Variants in DIAPH2 observed in about 807,000 individuals in gnomAD.
The protein encoded by DIAPH2 is diaphanous related formin 2.
In DIAPH2, 35 loss-of-function variants were observed where a neutral mutation model predicts 92.7. The ratio of observed to expected loss-of-function variants is 0.38; its 90% CI spans 0.29 to 0.50. DIAPH2 has a LOEUF of 0.50. Among genes scored for constraint, DIAPH2 ranks in the 20% least tolerant of loss-of-function variants. DIAPH2 has a pLI of 0.94. For missense variants in DIAPH2, 701 were observed against 819.5 expected, an observed-to-expected ratio of 0.86 and a Z score of 1.77; for synonymous variants, 301 against 280.4, an observed-to-expected ratio of 1.07 and a Z score of -0.73.
intron 17 of DIAPH2, among the ~76,000 whole-genome samples, chrX:96,970,000 TTC>T (rs2065917751): frequency 8.9e-6 from 1 of 112,474 alleles, no homozygotes; most frequent in South Asian, 3.7e-4. Flanking sequence ...TTGTTTTTAA[TTC>T]TGTTTATGTG....
chrX:97,018,991 T>C (rs938853366), intron 17 of DIAPH2, among the ~76,000 whole-genome samples: 3 of 111,753 alleles, frequency 2.7e-5, no homozygotes, highest in Non-Finnish European at 5.6e-5. Flanking sequence ...TCCGGATTCT[T>C]TCACTGAGCT....
At chrX:97,372,254 G>A (rs1204527868) in intron 24 of DIAPH2, among the ~76,000 whole-genome samples, 5 of 111,870 alleles carry the variant, frequency 4.5e-5, no homozygotes, top group Non-Finnish European at 9.4e-5. Context: ...GTGCATGACC[G>A]CTTTGTAACC....
chrX:97,010,570 G>A (rs1297511051), intron 17 of DIAPH2, among the ~76,000 whole-genome samples: 2 of 111,746 alleles, frequency 1.8e-5, no homozygotes, highest in African/African-American at 3.3e-5. Context: ...CTTGCCTCCT[G>A]TAATTCCTGT....
Position 97,602,493 on chromosome X carries a change from A to G in DIAPH2, c.*3176A>G, listed in dbSNP as rs1460840953. 2 of 112,585 alleles carry G rather than the reference A, an allele frequency of 1.8e-5. No homozygotes were observed. The highest frequency in any genetic ancestry group is 9.4e-5 in the Admixed American group (1 of 10,659). 9.3% of individuals were successfully genotyped at this position (112,585 alleles called of 1,213,427 possible). Reference sequence around the variant, plus strand: ...AACAGTTACAGACATTTCTGTCTCAAAAAGGAGAGAATGGAAATTGGAATG... The same window carrying G: ...AACAGTTACAGACATTTCTGTCTCAGAAAGGAGAGAATGGAAATTGGAATG... On this transcript the variant is annotated 3_prime_UTR_variant, in exon 27 of 27. Transcript: ENST00000324765.
chrX:96,792,725 C>G (rs1293305646), intron 4 of DIAPH2, among the ~76,000 whole-genome samples: 1 of 111,381 alleles, frequency 9.0e-6, no homozygotes, highest in East Asian at 2.8e-4. Context: ...AATTTGAATC[C>G]TGTGATAAAT....
intron 26 of DIAPH2, among the ~76,000 whole-genome samples, chrX:97,459,279 T>C (rs2070437444): frequency 8.9e-6 from 1 of 112,223 alleles, no homozygotes; most frequent in Non-Finnish European, 1.9e-5. Context: ...CTTAGTGCTA[T>C]AGTTATAGCA....
intron 26 of DIAPH2, among the ~76,000 whole-genome samples, chrX:97,484,838 G>A (rs748451946): frequency 9.0e-6 from 1 of 111,589 alleles, no homozygotes; most frequent in South Asian, 3.8e-4. Flanking sequence ...CGGAGGTTGC[G>A]GTGAGCGATA....
intron 17 of DIAPH2, among the ~76,000 whole-genome samples, chrX:97,007,487 C>G (rs2066190927): frequency 9.0e-6 from 1 of 110,663 alleles, no homozygotes; most frequent in Non-Finnish European, 1.9e-5. Flanking sequence ...TGTCATGCCA[C>G]TCTCTCCTGC....
chrX:97,444,295 AT>A (rs35155405), intron 26 of DIAPH2, among the ~76,000 whole-genome samples: 2 of 103,322 alleles, frequency 1.9e-5, no homozygotes, highest in African/African-American at 7.0e-5. Flanking sequence ...ATGAACAGGA[AT>A]TTTTTTTTTT....
At chrX:97,398,741 A>ATT (rs1402119361) in intron 25 of DIAPH2, among the ~76,000 whole-genome samples, 42 of 95,935 alleles carry the variant, frequency 4.4e-4, no homozygotes, top group African/African-American at 1.5e-3. Context: ...GAAGGATGTG[A>ATT]TTTTTTTTTT....
intron 23 of DIAPH2, among the ~76,000 whole-genome samples, chrX:97,318,899 G>T (rs2147650287): frequency 9.0e-6 from 1 of 111,702 alleles, no homozygotes; most frequent in Non-Finnish European, 1.9e-5. Context: ...GCTTCTCAGT[G>T]ATATTATTAA....
chrX:97,426,052 T>G (rs1421481357), intron 25 of DIAPH2, among the ~76,000 whole-genome samples: 1 of 110,163 alleles, frequency 9.1e-6, no homozygotes, highest in African/African-American at 3.3e-5. Context: ...TCTTTTTCAT[T>G]ATTTCTACTT....
intron 5 of DIAPH2, among the ~76,000 whole-genome samples, chrX:96,907,173 A>G (rs2065438969): frequency 8.9e-6 from 1 of 112,102 alleles, no homozygotes; most frequent in South Asian, 3.7e-4. Flanking sequence ...AAGAAATAGT[A>G]TAAGCTACAT....
chrX:96,962,312 C>CAT (rs371657905), intron 16 of DIAPH2, among the ~76,000 whole-genome samples: 909 of 59,492 alleles, frequency 0.015, 61 homozygotes, highest in African/African-American at 0.064. Context: ...TATATATATA[C>CAT]ATATATATAT....
At chrX:97,319,753 C>T (rs2068875208) in intron 23 of DIAPH2, among the ~76,000 whole-genome samples, 1 of 110,375 alleles carries the variant, frequency 9.1e-6, no homozygotes, top group African/African-American at 3.3e-5. Context: ...TGAGTAGGCA[C>T]TCAGTCAGTA....
intron 24 of DIAPH2, among the ~76,000 whole-genome samples, chrX:97,369,215 A>G (rs2069417858): frequency 2.7e-5 from 3 of 111,707 alleles, no homozygotes; most frequent in African/African-American, 9.7e-5. Flanking sequence ...GCCAGAATCT[A>G]CCTTTCAGAG....
intron 17 of DIAPH2, among the ~76,000 whole-genome samples, chrX:97,026,687 C>A (rs765375830): frequency 1.8e-5 from 2 of 112,486 alleles, no homozygotes; most frequent in South Asian, 3.7e-4. Context: ...TATCAGACTT[C>A]CTGTTGAAAC....
At chrX:97,390,206 GT>G (rs2069643549) in intron 25 of DIAPH2, among the ~76,000 whole-genome samples, 1 of 55,264 alleles carries the variant, frequency 1.8e-5, no homozygotes, top group Admixed American at 2.7e-4. Context: ...CCTGCTTTCT[GT>G]CTTTTTTTTT....
intron 17 of DIAPH2, among the ~76,000 whole-genome samples, chrX:97,043,816 A>T (rs1035757632): frequency 2.7e-5 from 3 of 112,306 alleles, no homozygotes; most frequent in African/African-American, 9.7e-5. Flanking sequence ...ATTTCAGCAC[A>T]TGCTGCTGGT....
Sources: allele counts gnomAD v4.1 joint callset (sites outside exome capture counted in the v4.1 genomes callset), GRCh38; gene constraint gnomAD v4.1.1; transcripts MANE v1.5; gene names NCBI Gene and HGNC (gene_info 2026-07-23, HGNC 2026-07-21).